Variants in DNAI1 observed in about 807,000 individuals in gnomAD.
The protein encoded by DNAI1 is dynein, axonemal, intermediate polypeptide 1.
Under a neutral mutation model 92.0 loss-of-function variants are expected in DNAI1, and 67 were observed. The observed-to-expected ratio is 0.73, with a 90% CI of 0.60 to 0.89. The LOEUF (loss-of-function observed/expected upper bound fraction) is 0.89. Ranked by LOEUF, DNAI1 falls within the 40% of genes least tolerant of loss-of-function variation. The probability of loss-of-function intolerance (pLI) is 0.00; values close to 1 mark genes in which losing one functional copy is unlikely to be tolerated. For missense variants in DNAI1, 839 were observed against 866.6 expected (o/e 0.97, Z 0.40); for synonymous variants, 323 against 319.6 (o/e 1.01, Z -0.11).
rs1358105941 is a variant in DNAI1 at position 34,458,943 on chromosome 9, G to A, written c.-63G>A. 3 of 1,482,866 alleles carry A rather than the reference G, an allele frequency of 2.0e-6. No homozygotes were observed. The highest frequency in any genetic ancestry group is 2.8e-6 in the Non-Finnish European group (3 of 1,061,080). 91.9% of individuals were successfully genotyped at this position (1,482,866 alleles called of 1,614,324 possible). On this transcript the variant is annotated 5_prime_UTR_variant, in exon 1 of 20. Transcript: ENST00000242317. This position sits in a 1 kb window ranked among gnomAD's most constrained non-coding sequence, Gnocchi z 6.6. ...GTCCAGATTTCTTGTGTGTGGTCAAGGAGACGGACAAACTTTTTGTCTTCA... is the reference window on the plus strand; with the variant it reads ...GTCCAGATTTCTTGTGTGTGGTCAAAGAGACGGACAAACTTTTTGTCTTCA...
chr9:34,508,765 CATT>C (rs1824997969), intron 13 of DNAI1, among the ~76,000 whole-genome samples: 2 of 152,314 alleles, frequency 1.3e-5, no homozygotes, highest in South Asian at 4.1e-4. Context: ...TGAGAAGAAA[CATT>C]ATTGCTTTCG....
rs562408105 is a variant in DNAI1 at position 34,493,253 on chromosome 9, G to A, written c.741G>A (p.Lys247=). The change falls in exon 9 of 20, where the codon AAG becomes AAA. Residue 247 remains lysine, a synonymous_variant. Coordinates refer to ENST00000242317, the MANE Select transcript of DNAI1 (RefSeq NM_012144.4). ...AGAAGCAGGAAAAGACCAAAGAGAA[G>A]GAGAAGGCAAAGACCCCAGTGGCTA... ...ELEKQEKTKE[K]EKAKTPVAKK... 45 of 1,614,210 alleles carry A rather than the reference G, an allele frequency of 2.8e-5. No individual in the cohort carries two copies. The African/African-American group carries it at 4.8e-4, about 17-fold the overall frequency.
intron 3 of DNAI1, 38 bp downstream of exon 3, chr9:34,485,278 C>T: frequency 6.2e-7 from 1 of 1,612,698 alleles, no homozygotes; most frequent in Non-Finnish European, 8.5e-7. Context: ...CCTTGTACCT[C>T]TTCCAGTTTC....
chr9:34,493,456 T>C lies in DNAI1; in HGVS notation c.816+128T>C, dbSNP rs904069692. ...TAAATCAGGGACTAATGTTGAGATA[T>C]AAATAGTTCTTTCCTTAGGGGAAGA... On this transcript the variant is annotated intron_variant, in intron 9 of 19. Transcript: ENST00000242317. 10 of 1,311,364 alleles carry C rather than the reference T, an allele frequency of 7.6e-6. No homozygotes were observed. In the African/African-American group the frequency reaches 1.5e-4, roughly 19 times the overall value. 81.2% of individuals were successfully genotyped at this position (1,311,364 alleles called of 1,614,324 possible).
chr9:34,506,682 C>T lies in DNAI1; in HGVS notation c.1119C>T (p.Pro373=). The T allele has an allele frequency of 1.1e-5, 18 of 1,614,218 alleles. No homozygotes were observed. Among genetic ancestry groups the T allele is most frequent in the Non-Finnish European group, 1.5e-5 (18 of 1,180,046 alleles). The change falls in exon 13 of 20, where the codon CCC becomes CCT. Residue 373 remains proline (P), a synonymous_variant. Transcript: ENST00000242317. The part of the protein sequence containing the change: ...GMLLLYSLKN[P]SFPEYMFSSN... ...TGCTGCTCTACAGCCTGAAGAACCCCAGCTTCCCTGAGTACATGTTCAGCA... is the reference window on the plus strand; with the variant it reads ...TGCTGCTCTACAGCCTGAAGAACCCTAGCTTCCCTGAGTACATGTTCAGCA...
rs148850235 is a variant in DNAI1, at chr9:34,465,898, C to T, written c.48+6845C>T. Among the ~76,000 whole-genome samples the T allele has an allele frequency of 5.5e-3, 837 of 152,322 alleles. 3 individuals are homozygous for T. Among genetic ancestry groups the T allele is most frequent in the Middle Eastern group, 0.031 (9 of 294 alleles). On this transcript the variant is annotated intron_variant, in intron 1 of 19. Transcript: ENST00000242317. ...CAAGCAAAGGACACAGCTGTTGTAA[C>T]TTTAGTTTCACTGGTTTGAGTCTCA...
intron 8 of DNAI1, among the ~76,000 whole-genome samples, chr9:34,491,957 G>GC (rs912900033): frequency 2.1e-4 from 32 of 152,214 alleles, no homozygotes; most frequent in African/African-American, 6.5e-4. Flanking sequence ...TGTTCCTGCA[G>GC]CCCCCCTCCT....
chr9:34,465,784 A>G (rs1358276022), intron 1 of DNAI1, among the ~76,000 whole-genome samples: 1 of 152,250 alleles, frequency 6.6e-6, no homozygotes, highest in Non-Finnish European at 1.5e-5. Context: ...TGAGCAAGCC[A>G]CATGAAATTG....
At chr9:34,495,817 A>C (rs1034932196) in intron 9 of DNAI1, among the ~76,000 whole-genome samples, 1 of 152,174 alleles carries the variant, frequency 6.6e-6, no homozygotes, top group Non-Finnish European at 1.5e-5. Flanking sequence ...GGAAGCTGCT[A>C]AGGGGAGAGG....
chr9:34,518,250 C>T (rs1489334884), intron 19 of DNAI1, among the ~76,000 whole-genome samples: 2 of 152,238 alleles, frequency 1.3e-5, no homozygotes, highest in African/African-American at 4.8e-5. Context: ...ATGACCATCC[C>T]TCCTGGCAAT....
intron 1 of DNAI1, among the ~76,000 whole-genome samples, chr9:34,473,792 A>G (rs1824185679): frequency 6.6e-6 from 1 of 151,632 alleles, no homozygotes; most frequent in Non-Finnish European, 1.5e-5. Flanking sequence ...GTGCGTGATC[A>G]CAGCTCACTG....
chr9:34,506,684 G>T lies in DNAI1; in HGVS notation c.1121G>T (p.Ser374Ile). The change falls in exon 13 of 20, where the codon AGC becomes ATC. Residue 374 changes from serine to isoleucine, a missense_variant. Physicochemically the swap from Ser to Ile is moderately radical, Grantham distance 142. Coordinates refer to ENST00000242317, the MANE Select transcript of DNAI1 (RefSeq NM_012144.4). The part of the protein sequence containing the change: ...MLLLYSLKNP[S>I]FPEYMFSSNS... Reference sequence around the variant, plus strand: ...CTGCTCTACAGCCTGAAGAACCCCAGCTTCCCTGAGTACATGTTCAGCAGC... The same window carrying T: ...CTGCTCTACAGCCTGAAGAACCCCATCTTCCCTGAGTACATGTTCAGCAGC... 1 of 1,614,216 alleles carries T rather than the reference G, an allele frequency of 6.2e-7. No homozygotes were observed. The highest frequency in any genetic ancestry group is 8.5e-7 in the Non-Finnish European group (1 of 1,180,050).
intron 1 of DNAI1, among the ~76,000 whole-genome samples, chr9:34,461,882 C>T (rs559324199): frequency 1.3e-5 from 2 of 152,120 alleles, no homozygotes; most frequent in East Asian, 3.9e-4. Flanking sequence ...ATGGGGGAGA[C>T]AGAACACAGG....
intron 15 of DNAI1, 59 bp downstream of exon 15, chr9:34,512,483 G>T: frequency 1.3e-6 from 2 of 1,503,000 alleles, no homozygotes; most frequent in African/African-American, 1.4e-5. Flanking sequence ...CCCAGTGAGG[G>T]TCAGTGACAG....
chr9:34,499,502 T>G (rs942654304), intron 10 of DNAI1, among the ~76,000 whole-genome samples: 1 of 152,156 alleles, frequency 6.6e-6, no homozygotes, highest in Non-Finnish European at 1.5e-5. Context: ...AGAGAATATA[T>G]GTGTGTCCTG....
chr9:34,513,879 G>T (rs1825120598), intron 16 of DNAI1, among the ~76,000 whole-genome samples: 1 of 149,778 alleles, frequency 6.7e-6, no homozygotes. Context: ...GGGGCATGCT[G>T]GTCAGGGCAA....
intron 13 of DNAI1, among the ~76,000 whole-genome samples, chr9:34,508,019 T>A (rs1399420445): frequency 6.6e-6 from 1 of 152,192 alleles, no homozygotes; most frequent in Non-Finnish European, 1.5e-5. Context: ...CCTTATTGTG[T>A]CCCAAAGGTC....
At chr9:34,459,934 A>C (rs1245004845) in intron 1 of DNAI1, among the ~76,000 whole-genome samples, 1 of 152,214 alleles carries the variant, frequency 6.6e-6, no homozygotes, top group African/African-American at 2.4e-5. Flanking sequence ...AAGGGCAGGC[A>C]AAGAGGAAGA....
At chr9:34,474,875 A>C (rs1824210591) in intron 1 of DNAI1, among the ~76,000 whole-genome samples, 1 of 152,106 alleles carries the variant, frequency 6.6e-6, no homozygotes, top group African/African-American at 2.4e-5. Flanking sequence ...CAAGGTGTGA[A>C]TATTTCTATC....
Sources: gnomAD v4.1 joint callset for allele counts (sites outside exome capture counted in the v4.1 genomes callset) on GRCh38, gnomAD v4.1.1 for gene constraint, Gnocchi (gnomAD v3.1) non-coding constraint, MANE v1.5 for transcripts, NCBI Gene and HGNC (gene_info 2026-07-23, HGNC 2026-07-21) for gene names.